The following FNTA variants were observed in gnomAD, a reference collection of about 807,000 sequenced individuals.
The protein encoded by FNTA is farnesyltransferase, CAAX box, subunit alpha, also known as protein farnesyltransferase/geranylgeranyltransferase type-1 subunit alpha.
In FNTA, 27 loss-of-function variants were observed where a neutral mutation model predicts 55.2. The ratio of observed to expected loss-of-function variants is 0.49; its 90% CI spans 0.36 to 0.67. The LOEUF is 0.67. FNTA is among the 30% of genes least tolerant of loss of function. The probability of loss-of-function intolerance (pLI) is 0.00; values close to 1 mark genes in which losing one functional copy is unlikely to be tolerated. For synonymous variants in FNTA, 176 were observed against 170.7 expected (o/e 1.03, Z -0.24); for missense variants, 422 against 464.7 (o/e 0.91, Z 0.85).
At chr8:43,083,209 TATAA>T (rs770905980) in intron 7 of FNTA, 29 bp downstream of exon 7, 10 of 1,400,240 alleles carry the variant, frequency 7.1e-6, no homozygotes, top group Non-Finnish European at 9.9e-6. Flanking sequence ...TTTTTTTATA[TATAA>T]AAAAGAAGTG....
At chr8:43,077,535 A>G (rs1210997801) in intron 6 of FNTA, 171 bp downstream of exon 6, 2 of 405,828 alleles carry the variant, frequency 4.9e-6, no homozygotes, top group Non-Finnish European at 8.7e-6. Context: ...GCATACTTCT[A>G]CTTCATTGTA....
chr8:43,074,911 A>T (rs1451718224), intron 5 of FNTA, among the ~76,000 whole-genome samples: 1 of 152,204 alleles, frequency 6.6e-6, no homozygotes, highest in African/African-American at 2.4e-5. Flanking sequence ...CCACATACCC[A>T]CAAGTGAGTA....
At chr8:43,077,096 G>A in intron 5 of FNTA, 120 bp from the exon 6 acceptor site, 1 of 588,280 alleles carries the variant, frequency 1.7e-6, no homozygotes, top group Non-Finnish European at 2.7e-6. Context: ...ACTACCTTCT[G>A]AATTTGTGAT....
At chr8:43,064,262 C>A (rs771236310) in intron 3 of FNTA, 47 bp downstream of exon 3, 3 of 1,186,426 alleles carry the variant, frequency 2.5e-6, no homozygotes, top group Admixed American at 2.0e-5. Context: ...TGTTTTACTT[C>A]AAGTGGCTTT....
intron 2 of FNTA, among the ~76,000 whole-genome samples, chr8:43,061,880 T>C (rs1022025410): frequency 1.3e-5 from 2 of 151,948 alleles, no homozygotes; most frequent in African/African-American, 4.8e-5. Flanking sequence ...ACACCACACC[T>C]GGCTAATTTT....
rs774994303 is a variant in FNTA, at chr8:43,085,315, A to AT, written c.*39dup. 6.3e-7 allele frequency: 1 copy of AT among 1,594,036 alleles called. No individual in the cohort carries two copies. Among genetic ancestry groups the AT allele is most frequent in the Admixed American group, 1.8e-5 (1 of 54,590 alleles). Reference sequence around the variant, plus strand: ...CAGAAGAACTTGATGGAATGCTTTTATTTTTTATTAAGGGACCCTGCAGGA... The same window carrying AT: ...CAGAAGAACTTGATGGAATGCTTTTATTTTTTTATTAAGGGACCCTGCAGGA... On this transcript the variant is annotated 3_prime_UTR_variant, in exon 9 of 9. Coordinates refer to ENST00000302279, the MANE Select transcript of FNTA (RefSeq NM_002027.3).
chr8:43,076,587 A>G (rs1351118956), intron 5 of FNTA: 2 of 152,156 alleles, frequency 1.3e-5, no homozygotes, highest in Non-Finnish European at 2.9e-5. Flanking sequence ...ACTTTGATAT[A>G]TTAATATCGG....
At chr8:43,070,157 T>A (rs1024967819) in intron 4 of FNTA, 1 of 151,118 alleles carries the variant, frequency 6.6e-6, no homozygotes, top group African/African-American at 2.4e-5. Context: ...GGAGCGTGCC[T>A]GTAATCCCAG....
At chr8:43,072,921 T>C (rs1183078698) in intron 5 of FNTA, among the ~76,000 whole-genome samples, 1 of 152,224 alleles carries the variant, frequency 6.6e-6, no homozygotes, top group Non-Finnish European at 1.5e-5. Context: ...AACAAAGGCA[T>C]ATTATACATT....
intron 6 of FNTA, chr8:43,082,104 GC>G (rs891085317): frequency 4.0e-4 from 61 of 152,162 alleles, no homozygotes; most frequent in African/African-American, 1.3e-3. Flanking sequence ...TATAGTAACA[GC>G]ACTGCAGCAG....
chr8:43,072,120 A>G (rs939132487), intron 4 of FNTA, 61 bp from the exon 5 acceptor site: 15 of 1,310,678 alleles, frequency 1.1e-5, no homozygotes, highest in Non-Finnish European at 1.5e-5. Flanking sequence ...AACATGTGCA[A>G]CTGATATTTT....
intron 3 of FNTA, among the ~76,000 whole-genome samples, chr8:43,069,015 T>C (rs1810725100): frequency 6.6e-6 from 1 of 151,800 alleles, no homozygotes; most frequent in African/African-American, 2.4e-5. Flanking sequence ...CCTGGCCACC[T>C]TTCACTATTT....
At chr8:43,077,013 G>GT (rs1484566331) in intron 5 of FNTA, 1 of 409,468 alleles carries the variant, frequency 2.4e-6, no homozygotes, top group Non-Finnish European at 4.3e-6. Flanking sequence ...CCTGCTTTCT[G>GT]TATGTGTCTT....
chr8:43,070,757 G>A (rs1586657478), intron 4 of FNTA, among the ~76,000 whole-genome samples: 1 of 152,198 alleles, frequency 6.6e-6, no homozygotes, highest in East Asian at 1.9e-4. Context: ...TGCAAATTCT[G>A]TATCCCAGTT....
At chr8:43,067,843 G>A (rs952449788) in intron 3 of FNTA, among the ~76,000 whole-genome samples, 6 of 151,914 alleles carry the variant, frequency 3.9e-5, no homozygotes, top group African/African-American at 1.5e-4. Context: ...CTGCAGTGTC[G>A]CGAATAGCTG....
intron 6 of FNTA, chr8:43,079,576 C>A (rs1260359458): frequency 6.6e-6 from 1 of 152,292 alleles, no homozygotes; most frequent in Non-Finnish European, 1.5e-5. Flanking sequence ...CCTCATCACC[C>A]AAGAGCTCTA....
At chr8:43,075,196 C>G (rs556632083) in intron 5 of FNTA, among the ~76,000 whole-genome samples, 1 of 152,276 alleles carries the variant, frequency 6.6e-6, no homozygotes, top group Non-Finnish European at 1.5e-5. Context: ...TACTCTCTAT[C>G]CTTAGCATGC....
chr8:43,081,897 G>T (rs1469858899), intron 6 of FNTA: 1 of 152,078 alleles, frequency 6.6e-6, no homozygotes, highest in African/African-American at 2.4e-5. Context: ...AATAGGTAAT[G>T]CTTTAGTACA....
At chr8:43,056,784 A>G in intron 1 of FNTA, 1 of 174,872 alleles carries the variant, frequency 5.7e-6, no homozygotes. Context: ...GCCTGCTTTA[A>G]GCCACGCGGA....
Sources: allele counts gnomAD v4.1 joint callset (sites outside exome capture counted in the v4.1 genomes callset), GRCh38; gene constraint gnomAD v4.1.1; transcripts MANE v1.5; gene names NCBI Gene and HGNC (gene_info 2026-07-23, HGNC 2026-07-21).